The following KCNA6 variants were observed in gnomAD, a reference collection of about 807,000 sequenced individuals.
KCNA6 encodes the protein human brain potassium channel-2.
In KCNA6, 17 loss-of-function variants were observed where a neutral mutation model predicts 29.5. That is an observed-to-expected ratio of 0.58 (90% confidence interval 0.39 to 0.86). The LOEUF is 0.86. Among genes scored for constraint, KCNA6 ranks in the 40% least tolerant of loss-of-function variants. The probability of loss-of-function intolerance (pLI) is 0.00; values close to 1 mark genes in which losing one functional copy is unlikely to be tolerated. For missense variants in KCNA6, 450 were observed against 703.4 expected (o/e 0.64, Z 4.07); for synonymous variants, 296 against 304.7 (o/e 0.97, Z 0.30).
the KCNA6 span, chr12:4,850,916 A>G: frequency 2.4e-6 from 1 of 421,704 alleles, no homozygotes; most frequent in Non-Finnish European, 4.8e-6. This position sits in a 1 kb window ranked among gnomAD's most constrained non-coding sequence, Gnocchi z 5.4. Context: ...AGTTGAGACC[A>G]GACCCGTTGT....
At chr12:4,848,513 GCA>G in the KCNA6 span, among the ~76,000 whole-genome samples, 1 of 64,796 alleles carries the variant, frequency 1.5e-5, no homozygotes, top group African/African-American at 6.9e-5. Context: ...TCAGGAGGGA[GCA>G]AAAAAAAAAA....
At chr12:4,838,641 A>G in the KCNA6 span, among the ~76,000 whole-genome samples, 1 of 152,196 alleles carries the variant, frequency 6.6e-6, no homozygotes, top group Non-Finnish European at 1.5e-5. Flanking sequence ...ACTAAATACC[A>G]TACACTTGGA....
Position 4,810,309 on chromosome 12 carries a change from C to A in KCNA6, c.268C>A (p.Arg90=), listed in dbSNP as rs746236187. The A allele has an allele frequency of 2.1e-5, 34 of 1,613,990 alleles. No homozygotes were observed. In the African/African-American group the frequency reaches 2.9e-4, roughly 14 times the overall value. Reference sequence around the variant, plus strand: ...GAACGAGTACTTCTTCGACCGCAACCGGCCCAGCTTCGACGCCATCCTCTA... The same window carrying A: ...GAACGAGTACTTCTTCGACCGCAACAGGCCCAGCTTCGACGCCATCCTCTA... The change falls in exon 1 of 1, where the codon CGG becomes AGG. Residue 90 remains arginine, a synonymous_variant. Transcript: ENST00000280684. The surrounding 1 kb of genome is among the most constrained non-coding windows in gnomAD (Gnocchi z 7.5).
the KCNA6 span, among the ~76,000 whole-genome samples, chr12:4,822,748 A>T: frequency 0.041 from 6,194 of 152,232 alleles, 285 homozygotes; most frequent in East Asian, 0.22. Context: ...CAGAGTGGGG[A>T]TTCATGAGTG....
chr12:4,838,524 T>G, the KCNA6 span, among the ~76,000 whole-genome samples: 2 of 152,226 alleles, frequency 1.3e-5, no homozygotes, highest in East Asian at 3.8e-4. Flanking sequence ...TGGGATATGA[T>G]GGTCCAGTTT....
At chr12:4,838,221 T>G in the KCNA6 span, among the ~76,000 whole-genome samples, 4 of 152,306 alleles carry the variant, frequency 2.6e-5, no homozygotes, top group African/African-American at 9.6e-5. Flanking sequence ...CTTTTGTTCT[T>G]GGGATGTCCT....
Position 4,810,590 on chromosome 12 carries a change from C to T in KCNA6, c.549C>T (p.Val183=), listed in dbSNP as rs748276959. 1.1e-5 allele frequency: 18 copies of T among 1,614,190 alleles called. No individual in the cohort carries two copies. In the Middle Eastern group the frequency reaches 2.5e-3, roughly 222 times the overall value. The change falls in exon 1 of 1, where the codon GTC becomes GTT. Residue 183 remains valine, a synonymous_variant. Coordinates refer to ENST00000280684, the Ensembl canonical transcript of KCNA6. This position sits in a 1 kb window ranked among gnomAD's most constrained non-coding sequence, Gnocchi z 7.5. ...GCATCGCCATCGTCTCCGTGTTGGT[C>T]ATTCTCATCTCCATAGTCATCTTTT...
At chr12:4,821,280 G>A in the KCNA6 span, among the ~76,000 whole-genome samples, 1 of 152,164 alleles carries the variant, frequency 6.6e-6, no homozygotes, top group Non-Finnish European at 1.5e-5. Context: ...CCGGTATGGT[G>A]GGGAAAATAG....
At chr12:4,839,078 G>T in the KCNA6 span, 1 of 152,158 alleles carries the variant, frequency 6.6e-6, no homozygotes, top group South Asian at 2.1e-4. Flanking sequence ...AAAAAAGCAG[G>T]CAAACTCTGC....
At chr12:4,838,069 A>G in the KCNA6 span, among the ~76,000 whole-genome samples, 1 of 152,130 alleles carries the variant, frequency 6.6e-6, no homozygotes, top group South Asian at 2.1e-4. Flanking sequence ...GGTGGTTATC[A>G]TCATCTGACT....
chr12:4,844,611 TGAG>T, the KCNA6 span, among the ~76,000 whole-genome samples: 1 of 152,048 alleles, frequency 6.6e-6, no homozygotes, highest in Non-Finnish European at 1.5e-5. The surrounding 1 kb of genome is among the most constrained non-coding windows in gnomAD (Gnocchi z 4.0). Context: ...GGAAAGTGAA[TGAG>T]GAGGAGAGTA....
chr12:4,815,327 C>T (rs1946671829), downstream of KCNA6, among the ~76,000 whole-genome samples: 2 of 152,190 alleles, frequency 1.3e-5, no homozygotes, highest in Non-Finnish European at 2.9e-5. Flanking sequence ...TCTTTCCTAC[C>T]ATGCTCACCT....
In KCNA6 at chr12:4,811,361, G is replaced by C; in HGVS notation, c.1320G>C (p.Ser440=). The change falls in exon 1 of 1, where the codon TCG becomes TCC. Residue 440 remains serine (S), a synonymous_variant. Coordinates refer to ENST00000280684, the Ensembl canonical transcript of KCNA6. The surrounding 1 kb of genome is among the most constrained non-coding windows in gnomAD (Gnocchi z 7.1). Reference sequence around the variant, plus strand: ...CTGTGGGGGGAAAGATCGTGGGCTCGCTGTGTGCCATCGCTGGGGTCCTCA... The same window carrying C: ...CTGTGGGGGGAAAGATCGTGGGCTCCCTGTGTGCCATCGCTGGGGTCCTCA... 1 of 1,613,974 alleles carries C rather than the reference G, an allele frequency of 6.2e-7. No homozygotes were observed. The highest frequency in any genetic ancestry group is 2.2e-5 in the East Asian group (1 of 44,870).
Position 4,810,869 on chromosome 12 carries a change from T to C in KCNA6, c.828T>C (p.Phe276=), listed in dbSNP as rs545797683. 2 of 1,612,426 alleles carry C rather than the reference T, an allele frequency of 1.2e-6. No homozygotes were observed. Among genetic ancestry groups the C allele is most frequent in the East Asian group, 4.5e-5 (2 of 44,878 alleles). The change falls in exon 1 of 1, where the codon TTT becomes TTC. Residue 276 remains phenylalanine (F), a synonymous_variant. Coordinates refer to ENST00000280684, the Ensembl canonical transcript of KCNA6. This position sits in a 1 kb window ranked among gnomAD's most constrained non-coding sequence, Gnocchi z 7.5. ...CGCTGTGCATTGTCTGGTTCACTTTTGAGCTCCTGGTGCGCTTCTCCGCCT... is the reference window on the plus strand; with the variant it reads ...CGCTGTGCATTGTCTGGTTCACTTTCGAGCTCCTGGTGCGCTTCTCCGCCT...
the KCNA6 span, among the ~76,000 whole-genome samples, chr12:4,824,737 G>A: frequency 1.3e-5 from 2 of 152,168 alleles, no homozygotes; most frequent in Admixed American, 6.5e-5. Context: ...CAAGGGTGTA[G>A]GTAGGATGCT....
downstream of KCNA6, among the ~76,000 whole-genome samples, chr12:4,818,275 A>G (rs1176822599): frequency 2.6e-5 from 4 of 152,218 alleles, no homozygotes; most frequent in East Asian, 7.7e-4. Context: ...TTTACAGAAC[A>G]TTGTCAAACA....
chr12:4,811,679 C>T lies in KCNA6; in HGVS notation c.*48C>T. ...GAGGGGAGCACTGAGCTAACAGTCT[C>T]TTAGGCTTCCTTCTCATTTCCACTA... On this transcript the variant is annotated 3_prime_UTR_variant, in exon 1 of 1. Coordinates refer to ENST00000280684, the Ensembl canonical transcript of KCNA6. The surrounding 1 kb of genome is among the most constrained non-coding windows in gnomAD (Gnocchi z 7.1). The T allele has an allele frequency of 6.4e-7, 1 of 1,559,656 alleles. No individual in the cohort carries two copies. Among genetic ancestry groups the T allele is most frequent in the Non-Finnish European group, 8.7e-7 (1 of 1,152,156 alleles).
At position 4,811,604 on chromosome 12, in the gene KCNA6, A is replaced by T; in HGVS notation, c.1563A>T (p.Ala521=). 1.9e-6 allele frequency: 3 copies of T among 1,614,040 alleles called. No homozygotes were observed. Among genetic ancestry groups the T allele is most frequent in the Non-Finnish European group, 2.5e-6 (3 of 1,179,898 alleles). The change falls in exon 1 of 1, where the codon GCA becomes GCT. Residue 521 remains alanine (A), a synonymous_variant. Coordinates refer to ENST00000280684, the Ensembl canonical transcript of KCNA6. This position sits in a 1 kb window ranked among gnomAD's most constrained non-coding sequence, Gnocchi z 7.1. ...TTCCTACACCACATCGGGCCTATGC[A>T]GAGAAAAGAATGCTCACGGAGGTCT...
chr12:4,809,857 C>A, exon 1 of KCNA6: 1 of 639,978 alleles, frequency 1.6e-6, no homozygotes, highest in Non-Finnish European at 2.5e-6. Context: ...CTCCCCAGAC[C>A]CAGCCTTGCA....
Sources: allele counts gnomAD v4.1 joint callset (sites outside exome capture counted in the v4.1 genomes callset), GRCh38; gene constraint gnomAD v4.1.1; non-coding constraint Gnocchi (gnomAD v3.1); transcripts MANE v1.5; gene names NCBI Gene and HGNC (gene_info 2026-07-23, HGNC 2026-07-21).